Variants in NRP2 observed in about 807,000 individuals in gnomAD.
NRP2 encodes neuropilin-2.
A neutral mutation model predicts 110.4 loss-of-function variants in NRP2; 52 were observed. The ratio of observed to expected loss-of-function variants is 0.47; its 90% confidence interval spans 0.38 to 0.59. The LOEUF (loss-of-function observed/expected upper bound fraction) is 0.59. NRP2 is among the 20% of genes least tolerant of loss of function. The probability of loss-of-function intolerance (pLI) is 0.00; values close to 1 mark genes in which losing one functional copy is unlikely to be tolerated. For missense variants in NRP2, 1,049 were observed against 1,203.0 expected (o/e 0.87, Z 1.89); for synonymous variants, 508 against 468.9 (o/e 1.08, Z -1.08).
intron 7 of NRP2, among the ~76,000 whole-genome samples, chr2:205,731,266 G>C (rs1308662324): frequency 6.6e-6 from 1 of 152,126 alleles, no homozygotes; most frequent in African/African-American, 2.4e-5. Context: ...GAAACCACAA[G>C]CAGAAATTAC....
intron 7 of NRP2, among the ~76,000 whole-genome samples, chr2:205,731,037 G>A (rs945682189): frequency 1.3e-5 from 2 of 152,182 alleles, no homozygotes; most frequent in South Asian, 2.1e-4. Flanking sequence ...CCTGGCAAAC[G>A]CAGCCTGGTT....
In NRP2 at chr2:205,791,355, A is replaced by T. The variant is rs146401452; in HGVS notation, c.2426-880A>T. Among the ~76,000 whole-genome samples the T allele has an allele frequency of 7.1e-3, 1,075 of 152,354 alleles. 2 individuals are homozygous for T. The highest frequency in any genetic ancestry group is 0.012 in the Non-Finnish European group (785 of 68,034). On this transcript the variant is annotated intron_variant, in intron 15 of 16. Transcript: ENST00000357785. ...TTGAGCTGACAGCTTGGAAAGGCAT[A>T]ATTAGCTTGTGAGATAGGAAGAAAT...
intron 2 of NRP2, among the ~76,000 whole-genome samples, chr2:205,699,027 T>C (rs1006936529): frequency 2.0e-5 from 3 of 152,216 alleles, no homozygotes; most frequent in Admixed American, 6.5e-5. Context: ...TGCACCTACA[T>C]AATGGTTTTC....
chr2:205,724,654 C>CTTTT lies in NRP2; in HGVS notation c.820+737_820+740dup, dbSNP rs35094496. 5.7e-4 allele frequency among the ~76,000 whole-genome samples: 46 copies of CTTTT among 80,370 alleles called. 2 individuals are homozygous for CTTTT. The highest frequency in any genetic ancestry group is 1.2e-3 in the African/African-American group (24 of 19,396). 52.7% of individuals were successfully genotyped at this position (80,370 alleles called of 152,430 possible). A position where few individuals can be genotyped will look rare whatever the true frequency, so the allele number is the denominator to read the frequency against. ...TTCTACTTAAAAACCCAAACGATAA[C>CTTTT]TTTTTTTTTTTTTTTTTTTTTTTTT... On this transcript the variant is annotated intron_variant, in intron 5 of 16. Coordinates refer to ENST00000357785, the MANE Select transcript of NRP2 (RefSeq NM_003872.3).
Position 205,763,549 on chromosome 2 carries a change from A to G in NRP2, c.2045-125A>G. On this transcript the variant is annotated intron_variant, in intron 12 of 16. Coordinates refer to ENST00000357785, the MANE Select transcript of NRP2 (RefSeq NM_003872.3). The surrounding 1 kb of genome is among the most constrained non-coding windows in gnomAD (Gnocchi z 4.0). ...AAAGGGTCACAGAGCCTGGAGAACAAGGACATGAATAAACCAAAGACACCG... is the reference window on the plus strand; with the variant it reads ...AAAGGGTCACAGAGCCTGGAGAACAGGGACATGAATAAACCAAAGACACCG... 1.6e-6 allele frequency: 2 copies of G among 1,237,808 alleles called. No homozygotes were observed. The highest frequency in any genetic ancestry group is 2.4e-6 in the Non-Finnish European group (2 of 841,286). 76.7% of individuals were successfully genotyped at this position (1,237,808 alleles called of 1,614,324 possible).
At chr2:205,746,547 G>A (rs1234660427) in intron 10 of NRP2, among the ~76,000 whole-genome samples, 1 of 152,146 alleles carries the variant, frequency 6.6e-6, no homozygotes, top group Non-Finnish European at 1.5e-5. Flanking sequence ...TCCTTTCCTT[G>A]GGTCGCCAGC....
chr2:205,710,589 G>A (rs1007450170), intron 2 of NRP2, among the ~76,000 whole-genome samples: 2 of 152,196 alleles, frequency 1.3e-5, no homozygotes, highest in African/African-American at 4.8e-5. Context: ...CTCCATAAAG[G>A]CTAGGTGACT....
At chr2:205,766,883 G>T in intron 15 of NRP2, 80 bp downstream of exon 15, 1 of 1,285,448 alleles carries the variant, frequency 7.8e-7, no homozygotes, top group Non-Finnish European at 1.1e-6. Context: ...TTGATGGGGG[G>T]AATCAACCTC....
chr2:205,747,808 CCT>C (rs2105885409), intron 10 of NRP2, among the ~76,000 whole-genome samples: 1 of 152,244 alleles, frequency 6.6e-6, no homozygotes, highest in African/African-American at 2.4e-5. Context: ...TTGCTAATGA[CCT>C]CTTTCCTTCA....
At chr2:205,740,967 C>T (rs1251409005) in intron 8 of NRP2, among the ~76,000 whole-genome samples, 1 of 151,754 alleles carries the variant, frequency 6.6e-6, no homozygotes, top group Non-Finnish European at 1.5e-5. Flanking sequence ...TTATTCTCCT[C>T]ACTTTACAGA....
intron 15 of NRP2, chr2:205,767,096 C>CT (rs929042752): frequency 2.1e-5 from 10 of 476,846 alleles, no homozygotes; most frequent in Non-Finnish European, 3.4e-5. Flanking sequence ...AGCAATGAGG[C>CT]TGAAAATGCA....
chr2:205,791,425 T>C (rs2058300152), intron 15 of NRP2, among the ~76,000 whole-genome samples: 1 of 152,242 alleles, frequency 6.6e-6, no homozygotes, highest in South Asian at 2.1e-4. Context: ...TCTCTATTAA[T>C]GTTTTACCAT....
chr2:205,692,379 T>A (rs529091548), intron 1 of NRP2, among the ~76,000 whole-genome samples: 3 of 152,222 alleles, frequency 2.0e-5, no homozygotes, highest in Non-Finnish European at 4.4e-5. Flanking sequence ...TGAAGTTGCT[T>A]TGAATAAAAC....
intron 15 of NRP2, among the ~76,000 whole-genome samples, chr2:205,790,194 A>G (rs1175656354): frequency 1.3e-5 from 2 of 152,208 alleles, no homozygotes; most frequent in Non-Finnish European, 2.9e-5. Context: ...TGGGCAATTG[A>G]TTTCATTGAG....
chr2:205,780,699 A>G (rs966990545), intron 15 of NRP2, among the ~76,000 whole-genome samples: 4 of 152,170 alleles, frequency 2.6e-5, no homozygotes, highest in African/African-American at 9.7e-5. Context: ...TGTTCAGAAG[A>G]TCCTATTTCT....
rs1290305080 is a variant in NRP2, at chr2:205,796,013, A to T, written c.*955A>T. ...TTCAGGTCTCTAAGCCCCTGGAAGC[A>T]GCATTGTGTGATATTCTCAGAGGCA... On this transcript the variant is annotated 3_prime_UTR_variant, in exon 17 of 17. Coordinates refer to ENST00000357785, the MANE Select transcript of NRP2 (RefSeq NM_003872.3). 2 of 152,216 alleles carry T rather than the reference A, an allele frequency of 1.3e-5. No homozygotes were observed. The highest frequency in any genetic ancestry group is 2.9e-5 in the Non-Finnish European group (2 of 68,046). The allele number at this position is 152,216 out of a possible 1,614,324, so 9.4% of individuals were successfully genotyped here.
At chr2:205,717,678 C>T (rs1348341374) in intron 3 of NRP2, among the ~76,000 whole-genome samples, 1 of 152,214 alleles carries the variant, frequency 6.6e-6, no homozygotes, top group Admixed American at 6.5e-5. Flanking sequence ...ATCTGTGTGT[C>T]CAGTGGCTCA....
chr2:205,782,859 T>G (rs2058192332), intron 15 of NRP2, among the ~76,000 whole-genome samples: 1 of 150,650 alleles, frequency 6.6e-6, no homozygotes, highest in Non-Finnish European at 1.5e-5. Flanking sequence ...TGTCTAGTTT[T>G]TTTTTTTTTT....
chr2:205,766,384 G>T (rs961882243), intron 14 of NRP2, among the ~76,000 whole-genome samples: 1 of 152,146 alleles, frequency 6.6e-6, no homozygotes, highest in African/African-American at 2.4e-5. Context: ...CACGACCCCT[G>T]GTGTGTGTGT....
Sources: gnomAD v4.1 joint callset for allele counts (sites outside exome capture counted in the v4.1 genomes callset) on GRCh38, gnomAD v4.1.1 for gene constraint, Gnocchi (gnomAD v3.1) non-coding constraint, MANE v1.5 for transcripts, NCBI Gene and HGNC (gene_info 2026-07-23, HGNC 2026-07-21) for gene names.